The following CHMP3 variants were observed in gnomAD, a reference collection of about 807,000 sequenced individuals.
The protein encoded by CHMP3 is charged multivesicular body protein 3, also known as 25.1 protein.
In CHMP3, 8 loss-of-function variants were observed where a neutral mutation model predicts 27.4. That is an observed-to-expected ratio of 0.29 (90% CI 0.17 to 0.53). The LOEUF is 0.53. CHMP3 is among the 20% of genes least tolerant of loss of function. The pLI is 0.96. For synonymous variants in CHMP3, 86 were observed against 85.5 expected (o/e 1.01, Z -0.03); for missense variants, 208 against 271.5 (o/e 0.77, Z 1.64).
chr2:86,561,897 A>G (rs1352413217), intron 1 of CHMP3: 2 of 152,230 alleles, frequency 1.3e-5, no homozygotes, highest in Non-Finnish European at 2.9e-5. Context: ...TCTTATCTCA[A>G]TTTACGAATG....
chr2:86,559,174 A>C (rs1365673965), intron 1 of CHMP3, among the ~76,000 whole-genome samples: 1 of 152,214 alleles, frequency 6.6e-6, no homozygotes, highest in Non-Finnish European at 1.5e-5. Flanking sequence ...TGGACATAAC[A>C]AAAAGGCAGA....
chr2:86,550,416 GGGAGAGGGAGAA>G (rs1676860129), intron 1 of CHMP3, among the ~76,000 whole-genome samples: 1 of 136,432 alleles, frequency 7.3e-6, no homozygotes, highest in African/African-American at 3.5e-5. Flanking sequence ...GAGGGAGAAA[GGGAGAGGGAGAA>G]AGGGAGAGGG....
chr2:86,533,741 G>A (rs1345620195), intron 2 of CHMP3, among the ~76,000 whole-genome samples: 1 of 148,288 alleles, frequency 6.7e-6, no homozygotes, highest in Non-Finnish European at 1.5e-5. Context: ...CTGGGCTCAA[G>A]TGATCTGCCC....
intron 1 of CHMP3, among the ~76,000 whole-genome samples, chr2:86,549,106 C>T (rs1353497635): frequency 2.7e-5 from 4 of 148,868 alleles, no homozygotes; most frequent in Non-Finnish European, 4.5e-5. Context: ...CCCCTCACCT[C>T]CCAGACGGGG....
At chr2:86,517,880 G>A (rs1573248423) in intron 3 of CHMP3, among the ~76,000 whole-genome samples, 1 of 152,088 alleles carries the variant, frequency 6.6e-6, no homozygotes, top group Non-Finnish European at 1.5e-5. Context: ...AACTAGCTGG[G>A]TGAGGTGGCT....
intron 3 of CHMP3, among the ~76,000 whole-genome samples, chr2:86,512,886 G>A (rs1174836571): frequency 6.6e-6 from 1 of 152,210 alleles, no homozygotes. Context: ...AAATGCTGGC[G>A]AGAATGTGCA....
At chr2:86,533,446 AT>A (rs1676003625) in intron 2 of CHMP3, among the ~76,000 whole-genome samples, 1 of 150,706 alleles carries the variant, frequency 6.6e-6, no homozygotes, top group Non-Finnish European at 1.5e-5. Flanking sequence ...CTTCTGCTAG[AT>A]TTGGGTTGAC....
rs749965778 is a variant in CHMP3 at position 86,510,452 on chromosome 2, T to G, written c.314A>C (p.Gln105Pro). The change falls in exon 4 of 6, where the codon CAG (glutamine) becomes CCG (proline). Residue 105 changes from glutamine to proline, a missense_variant. Coordinates refer to ENST00000263856, the MANE Select transcript of CHMP3 (RefSeq NM_016079.4). ...GGCCTTCATCACTTCTGTGCTCTTC[T>G]GCAGGGAACCAGCCACTCGCAAGAC... ...LAVLRVAGSL[Q>P]KSTEVMKAMQ... is the part of the protein sequence containing the mutation. The G allele has an allele frequency of 1.2e-5, 19 of 1,613,646 alleles. No homozygotes were observed. Among genetic ancestry groups the G allele is most frequent in the Admixed American group, 1.7e-5 (1 of 60,008 alleles).
intron 2 of CHMP3, among the ~76,000 whole-genome samples, chr2:86,538,872 C>A (rs1676247117): frequency 6.6e-6 from 1 of 152,104 alleles, no homozygotes; most frequent in African/African-American, 2.4e-5. Flanking sequence ...TTAAGTATAA[C>A]ATATATACAG....
intron 2 of CHMP3, among the ~76,000 whole-genome samples, chr2:86,529,672 A>G (rs1261189378): frequency 6.6e-6 from 1 of 152,218 alleles, no homozygotes; most frequent in Non-Finnish European, 1.5e-5. Flanking sequence ...CTGTAAATGC[A>G]TTCCAGAGCT....
intron 4 of CHMP3, among the ~76,000 whole-genome samples, chr2:86,509,471 T>C (rs1344403741): frequency 1.3e-5 from 2 of 152,166 alleles, no homozygotes; most frequent in Admixed American, 6.5e-5. Flanking sequence ...CTAAACCCTG[T>C]ACATAATTCA....
chr2:86,538,431 A>T (rs1676232251), intron 2 of CHMP3, among the ~76,000 whole-genome samples: 1 of 152,164 alleles, frequency 6.6e-6, no homozygotes, highest in Non-Finnish European at 1.5e-5. Flanking sequence ...GCTTTATGTA[A>T]ATTTTACAAT....
intron 1 of CHMP3, among the ~76,000 whole-genome samples, chr2:86,548,179 CTTTTT>C (rs55949258): frequency 3.9e-4 from 45 of 116,056 alleles, no homozygotes; most frequent in African/African-American, 1.0e-3. Flanking sequence ...GAGGAGTTCT[CTTTTT>C]TTTTTTTTTT....
chr2:86,515,347 C>T (rs772438664), intron 3 of CHMP3: 1 of 152,236 alleles, frequency 6.6e-6, no homozygotes, highest in Non-Finnish European at 1.5e-5. Context: ...TCTTTTGAGA[C>T]AGTCTCGCTC....
At chr2:86,552,646 A>T (rs1676954166) in intron 1 of CHMP3, among the ~76,000 whole-genome samples, 1 of 152,256 alleles carries the variant, frequency 6.6e-6, no homozygotes, top group African/African-American at 2.4e-5. Context: ...CCAGGTGGCC[A>T]AAGTTATTAG....
chr2:86,549,740 C>T (rs1330218995), intron 1 of CHMP3, among the ~76,000 whole-genome samples: 4 of 147,818 alleles, frequency 2.7e-5, no homozygotes, highest in East Asian at 2.1e-4. Context: ...GCACCCACTT[C>T]GCAGACGGGG....
intron 3 of CHMP3, among the ~76,000 whole-genome samples, chr2:86,517,856 C>G (rs530690407): frequency 6.6e-6 from 1 of 152,108 alleles, no homozygotes; most frequent in Admixed American, 6.5e-5. Flanking sequence ...TGGTGAAACC[C>G]CATCTCTACA....
rs963933674 is a variant in CHMP3 at position 86,504,764 on chromosome 2, C to G, written c.*1040G>C. On this transcript the variant is annotated 3_prime_UTR_variant, in exon 6 of 6. Transcript: ENST00000263856. ...GGGCTTTTTTCCTGCCTGATTAGTT[C>G]AGTGCACATACAACTTGGACCAGAG... is the stretch of plus-strand genomic sequence containing the variant. The G allele has an allele frequency of 6.6e-6, 1 of 152,134 alleles. No homozygotes were observed. The highest frequency in any genetic ancestry group is 1.5e-5 in the Non-Finnish European group (1 of 68,032). 9.4% of individuals were successfully genotyped at this position (152,134 alleles called of 1,614,324 possible).
chr2:86,551,296 G>A (rs537647425), intron 1 of CHMP3, among the ~76,000 whole-genome samples: 1 of 109,746 alleles, frequency 9.1e-6, no homozygotes, highest in Non-Finnish European at 1.9e-5. Flanking sequence ...TTTTTTTTTT[G>A]AGATGGAGTC....
Sources: gnomAD v4.1 joint callset for allele counts (sites outside exome capture counted in the v4.1 genomes callset) on GRCh38, gnomAD v4.1.1 for gene constraint, MANE v1.5 for transcripts, NCBI Gene and HGNC (gene_info 2026-07-23, HGNC 2026-07-21) for gene names.